ZFAND3: variants seen among roughly 807,000 people sequenced by gnomAD.
ZFAND3 encodes the protein AN1-type zinc finger protein 3.
ZFAND3 carries 10 observed loss-of-function variants against 29.6 expected under a neutral mutation model. The ratio of observed to expected loss-of-function variants is 0.34; its 90% CI spans 0.21 to 0.57. The LOEUF (loss-of-function observed/expected upper bound fraction) is 0.57, where lower values mean the gene tolerates loss of function less well. ZFAND3 is among the 20% of genes least tolerant of loss of function. The pLI, the probability that ZFAND3 is intolerant of heterozygous loss-of-function variation, is 0.86. For missense variants in ZFAND3, 230 were observed against 304.5 expected, an observed-to-expected ratio of 0.76 and a Z score of 1.82; for synonymous variants, 128 against 112.6, an observed-to-expected ratio of 1.14 and a Z score of -0.87.
chr6:38,077,993 T>C (rs1017891186), intron 3 of ZFAND3, among the ~76,000 whole-genome samples: 1 of 152,210 alleles, frequency 6.6e-6, no homozygotes, highest in Admixed American at 6.5e-5. Context: ...TTGAAATGTG[T>C]GTGTTGATAG....
intron 1 of ZFAND3, among the ~76,000 whole-genome samples, chr6:37,846,676 T>A (rs1257813534): frequency 2.0e-5 from 3 of 151,748 alleles, no homozygotes; most frequent in African/African-American, 7.3e-5. Flanking sequence ...TGTTAGTATC[T>A]GAGGCAATCC....
At chr6:37,911,722 A>G (rs1426509472) in intron 1 of ZFAND3, among the ~76,000 whole-genome samples, 1 of 152,212 alleles carries the variant, frequency 6.6e-6, no homozygotes, top group Admixed American at 6.5e-5. Context: ...AGGCATAATT[A>G]TAAGGCAGAT....
In ZFAND3 at chr6:37,904,615, C is replaced by A. The variant is rs148134548; in HGVS notation, c.72-25344C>A. On this transcript the variant is annotated intron_variant, in intron 1 of 5. Transcript: ENST00000287218. ...AAACTGGAATTTAAAGGGATTGATACGACAAAGCAAGAATTATATAATGAC... is the reference window on the plus strand; with the variant it reads ...AAACTGGAATTTAAAGGGATTGATAAGACAAAGCAAGAATTATATAATGAC... Among the ~76,000 whole-genome samples, 553 of 152,098 alleles carry A rather than the reference C, an allele frequency of 3.6e-3. 6 individuals are homozygous for A. The highest frequency in any genetic ancestry group is 0.013 in the African/African-American group (530 of 41,500).
intron 1 of ZFAND3, among the ~76,000 whole-genome samples, chr6:37,896,180 T>C (rs1295546181): frequency 2.6e-5 from 4 of 152,174 alleles, no homozygotes; most frequent in African/African-American, 9.6e-5. Flanking sequence ...ACCTTTTTTC[T>C]TTTTCTTTTA....
rs1370436504 is a variant in ZFAND3, at chr6:38,028,627, TAGGG to T, written c.113-32965_113-32962del. 7.9e-4 allele frequency among the ~76,000 whole-genome samples: 120 copies of T among 152,334 alleles called. 1 individual carries two copies. The East Asian group carries it at 0.018, about 23-fold the overall frequency. On this transcript the variant is annotated intron_variant, in intron 2 of 5. Transcript: ENST00000287218. ...CATTGCGACTAAAGTCTGCCTGACC[TAGGG>T]TACTATTGTAGTAAAGAATCCACTT...
intron 4 of ZFAND3, among the ~76,000 whole-genome samples, chr6:38,114,249 A>G (rs1382470444): frequency 1.3e-5 from 2 of 152,366 alleles, no homozygotes; most frequent in East Asian, 3.9e-4. Context: ...AAATAGAGCC[A>G]TTGCTGGTTT....
At chr6:37,835,374 C>T (rs1465975510) in intron 1 of ZFAND3, among the ~76,000 whole-genome samples, 1 of 151,720 alleles carries the variant, frequency 6.6e-6, no homozygotes, top group African/African-American at 2.4e-5. Context: ...CCAGGCTGGT[C>T]TTGAACTCCT....
intron 1 of ZFAND3, among the ~76,000 whole-genome samples, chr6:37,885,296 G>A (rs1764969744): frequency 6.6e-6 from 1 of 152,190 alleles, no homozygotes; most frequent in African/African-American, 2.4e-5. Flanking sequence ...GGAGTCACAA[G>A]ACTTGTGTGA....
chr6:38,074,113 TGTG>T (rs1764508523), intron 3 of ZFAND3, among the ~76,000 whole-genome samples: 1 of 152,186 alleles, frequency 6.6e-6, no homozygotes, highest in South Asian at 2.1e-4. Context: ...GGTTCTCAAA[TGTG>T]GTCCAAAGAT....
intron 4 of ZFAND3, among the ~76,000 whole-genome samples, chr6:38,108,180 AT>A (rs1307727649): frequency 2.6e-5 from 4 of 152,186 alleles, no homozygotes; most frequent in African/African-American, 9.7e-5. Flanking sequence ...ATTATTAGAT[AT>A]CTGTGTATTC....
At chr6:38,082,671 G>GA (rs1489333189) in intron 4 of ZFAND3, among the ~76,000 whole-genome samples, 1 of 152,092 alleles carries the variant, frequency 6.6e-6, no homozygotes, top group Non-Finnish European at 1.5e-5. Context: ...CTAGATCCAA[G>GA]AAGGTGGACA....
chr6:37,963,366 A>C (rs886313455), intron 2 of ZFAND3, among the ~76,000 whole-genome samples: 1 of 152,260 alleles, frequency 6.6e-6, no homozygotes, highest in African/African-American at 2.4e-5. Flanking sequence ...AGGGAAGTTC[A>C]TAGCTATTAG....
chr6:38,097,489 A>G (rs1225468739), intron 4 of ZFAND3, among the ~76,000 whole-genome samples: 4 of 152,078 alleles, frequency 2.6e-5, no homozygotes, highest in African/African-American at 9.7e-5. Flanking sequence ...AATTAGTGGT[A>G]AGGAGGTTGA....
chr6:37,925,908 G>T (rs980713971), intron 1 of ZFAND3, among the ~76,000 whole-genome samples: 2 of 152,138 alleles, frequency 1.3e-5, no homozygotes, highest in Admixed American at 1.3e-4. Context: ...AAAGAGATTT[G>T]GGATTGAAGG....
At chr6:37,906,714 T>TTA (rs1765415040) in intron 1 of ZFAND3, among the ~76,000 whole-genome samples, 1 of 151,552 alleles carries the variant, frequency 6.6e-6, no homozygotes. Context: ...TTTTTTTTTT[T>TTA]AATTAAATTT....
intron 2 of ZFAND3, among the ~76,000 whole-genome samples, chr6:37,946,378 G>C (rs995661468): frequency 6.6e-6 from 1 of 152,194 alleles, no homozygotes; most frequent in Admixed American, 6.5e-5. Context: ...GGAAAACACA[G>C]ACCTAGTTTA....
chr6:38,105,138 T>C (rs1297113358), intron 4 of ZFAND3, among the ~76,000 whole-genome samples: 1 of 152,224 alleles, frequency 6.6e-6, no homozygotes, highest in Non-Finnish European at 1.5e-5. Flanking sequence ...AAGGTGCTGA[T>C]AAAGAATATG....
intron 5 of ZFAND3, among the ~76,000 whole-genome samples, chr6:38,117,136 T>G (rs769750030): frequency 1.1e-3 from 165 of 152,204 alleles, no homozygotes; most frequent in Non-Finnish European, 1.7e-3. Context: ...TGAATGAGCT[T>G]CTTACTATTT....
intron 3 of ZFAND3, among the ~76,000 whole-genome samples, chr6:38,064,666 CTTT>C (rs35827782): frequency 0.082 from 9,500 of 115,822 alleles, 354 homozygotes; most frequent in Non-Finnish European, 0.1. Flanking sequence ...CTGCTATGGG[CTTT>C]TTTTTTTTTT....
Sources: allele counts gnomAD v4.1 joint callset (sites outside exome capture counted in the v4.1 genomes callset), GRCh38; gene constraint gnomAD v4.1.1; transcripts MANE v1.5; gene names NCBI Gene and HGNC (gene_info 2026-07-23, HGNC 2026-07-21).